RAD18: variants seen among roughly 807,000 people sequenced by gnomAD.
The protein encoded by RAD18 is E3 ubiquitin-protein ligase RAD18.
A neutral mutation model predicts 60.4 loss-of-function variants in RAD18; 47 were observed. The observed-to-expected ratio is 0.78, with a 90% CI of 0.62 to 0.99. The LOEUF is 0.99. Among genes scored for constraint, RAD18 ranks in the 50% least tolerant of loss-of-function variants. The pLI, the probability that RAD18 is intolerant of heterozygous loss-of-function variation, is 0.00. For missense variants in RAD18, 640 were observed against 593.3 expected (o/e 1.08, Z -0.82); for synonymous variants, 225 against 195.5 (o/e 1.15, Z -1.26).
intron 7 of RAD18, among the ~76,000 whole-genome samples, chr3:8,933,077 C>CA (rs1451001427): frequency 6.6e-6 from 1 of 151,078 alleles, no homozygotes; most frequent in Middle Eastern, 3.2e-3. Flanking sequence ...GCCTGGCCGA[C>CA]AGAGAGAGAC....
Position 8,894,629 on chromosome 3 carries a change from A to G in RAD18, c.1323-4178T>C, listed in dbSNP as rs1939754008. On this transcript the variant is annotated intron_variant, in intron 11 of 12. Transcript: ENST00000264926. ...GGAAGACTGACTGCTAGGTACATGGATCTCAAGGAGTCATACACATTTCAA... is the reference window on the plus strand; with the variant it reads ...GGAAGACTGACTGCTAGGTACATGGGTCTCAAGGAGTCATACACATTTCAA... Among the ~76,000 whole-genome samples the G allele has an allele frequency of 2.0e-5, 3 of 152,240 alleles. No homozygotes were observed. In the South Asian group the frequency reaches 6.2e-4, roughly 32 times the overall value.
intron 2 of RAD18, among the ~76,000 whole-genome samples, chr3:8,951,033 G>C (rs949776131): frequency 1.3e-5 from 2 of 152,068 alleles, no homozygotes; most frequent in African/African-American, 4.8e-5. Flanking sequence ...GACTACAAAA[G>C]ATGTAACATA....
intron 2 of RAD18, among the ~76,000 whole-genome samples, chr3:8,956,916 C>A (rs11719780): frequency 0.18 from 27,796 of 152,042 alleles, 3,423 homozygotes; most frequent in African/African-American, 0.35. Context: ...CAGGATGTCC[C>A]TCCACACCAC....
At position 8,936,016 on chromosome 3, in the gene RAD18, A is replaced by G; in HGVS notation, c.744T>C (p.Tyr248=). 1 of 1,608,432 alleles carries G rather than the reference A, an allele frequency of 6.2e-7. No individual in the cohort carries two copies. The highest frequency in any genetic ancestry group is 8.5e-7 in the Non-Finnish European group (1 of 1,177,398). Reference sequence around the variant, plus strand: ...TTAAATCACGATCAGAGAGCAAATTATATACAGTTTTGGGCAGCGGCTTCC... The same window carrying G: ...TTAAATCACGATCAGAGAGCAAATTGTATACAGTTTTGGGCAGCGGCTTCC... ...HKRKPLPKTV[Y]NLLSDRDLKK... is the part of the protein sequence containing the mutation. Residue 248 remains tyrosine, a synonymous_variant, in exon 7 of 13, where the codon TAT becomes TAC. Transcript: ENST00000264926.
At chr3:8,914,799 G>C (rs888915607) in intron 7 of RAD18, among the ~76,000 whole-genome samples, 1 of 152,012 alleles carries the variant, frequency 6.6e-6, no homozygotes, top group Admixed American at 6.5e-5. Flanking sequence ...ATTAATACAA[G>C]TATCACTAAA....
At chr3:8,949,714 A>T (rs901148008) in intron 2 of RAD18, among the ~76,000 whole-genome samples, 3 of 152,178 alleles carry the variant, frequency 2.0e-5, no homozygotes, top group African/African-American at 7.2e-5. Flanking sequence ...TGGAACAGAA[A>T]CCCACAAACA....
chr3:8,949,901 T>C (rs1225321185), intron 2 of RAD18, among the ~76,000 whole-genome samples: 2 of 152,074 alleles, frequency 1.3e-5, no homozygotes, highest in Non-Finnish European at 1.5e-5. Context: ...CTTCTGTGAG[T>C]TTTAGTTCCA....
intron 9 of RAD18, among the ~76,000 whole-genome samples, chr3:8,911,795 C>G (rs566231583): frequency 1.3e-5 from 2 of 152,180 alleles, no homozygotes; most frequent in African/African-American, 4.8e-5. Context: ...AACCACCACA[C>G]AAAGAGTAAC....
At chr3:8,892,303 C>T (rs780686786) in intron 11 of RAD18, among the ~76,000 whole-genome samples, 1 of 152,130 alleles carries the variant, frequency 6.6e-6, no homozygotes, top group African/African-American at 2.4e-5. Flanking sequence ...GGTACATGAA[C>T]GTTACAGCTC....
intron 3 of RAD18, among the ~76,000 whole-genome samples, chr3:8,947,800 T>C (rs1018672352): frequency 2.0e-5 from 3 of 152,208 alleles, no homozygotes; most frequent in African/African-American, 2.4e-5. Context: ...TCAAAAGCAG[T>C]GTAACATATC....
At chr3:8,884,000 ATAAAG>A (rs1939514721) in intron 12 of RAD18, among the ~76,000 whole-genome samples, 1 of 152,202 alleles carries the variant, frequency 6.6e-6, no homozygotes, top group African/African-American at 2.4e-5. Flanking sequence ...CTAAGTAAAA[ATAAAG>A]TAAAGATAGT....
At chr3:8,920,144 T>C (rs1367317073) in intron 7 of RAD18, among the ~76,000 whole-genome samples, 2 of 152,004 alleles carry the variant, frequency 1.3e-5, no homozygotes, top group African/African-American at 4.8e-5. Flanking sequence ...TAGCCAGGCA[T>C]GGCATGCGCC....
intron 4 of RAD18, chr3:8,946,955 T>C (rs1225829265): frequency 3.3e-6 from 1 of 301,082 alleles, no homozygotes; most frequent in South Asian, 7.9e-5. Flanking sequence ...AAAAGGAGTA[T>C]CTTCAGAGCA....
intron 7 of RAD18, among the ~76,000 whole-genome samples, chr3:8,930,437 G>C (rs1378033621): frequency 6.6e-6 from 1 of 152,012 alleles, no homozygotes; most frequent in Non-Finnish European, 1.5e-5. Flanking sequence ...ATGGATACTG[G>C]GCTCTTTTCA....
chr3:8,939,519 T>C, intron 6 of RAD18, 35 bp downstream of exon 6: 1 of 1,554,018 alleles, frequency 6.4e-7, no homozygotes, highest in Non-Finnish European at 8.9e-7. Flanking sequence ...GGCACCCAGC[T>C]AAAGTAGCTC....
chr3:8,922,699 G>A (rs896216445), intron 7 of RAD18, among the ~76,000 whole-genome samples: 3 of 152,160 alleles, frequency 2.0e-5, no homozygotes, highest in Non-Finnish European at 4.4e-5. Flanking sequence ...ACACGGCCAG[G>A]TACCCCTCTG....
At chr3:8,885,213 G>C (rs977101417) in intron 12 of RAD18, among the ~76,000 whole-genome samples, 2 of 152,104 alleles carry the variant, frequency 1.3e-5, no homozygotes, top group African/African-American at 4.8e-5. Context: ...AGAGACAGTG[G>C]TCAGATCAAG....
chr3:8,931,980 C>T (rs1219732147), intron 7 of RAD18, among the ~76,000 whole-genome samples: 2 of 152,060 alleles, frequency 1.3e-5, no homozygotes, highest in Admixed American at 6.6e-5. Context: ...CATTTACCTT[C>T]CACCATACAG....
rs1304198219 is a variant in RAD18, at chr3:8,880,084, T to G, written c.*1273A>C. On this transcript the variant is annotated 3_prime_UTR_variant, in exon 13 of 13. Coordinates refer to ENST00000264926, the MANE Select transcript of RAD18 (RefSeq NM_020165.4). ...GTTTCCTTAATGCACCCCTCAGGATTTCATGCAAATGAAATTATTATGACA... is the reference window on the plus strand; with the variant it reads ...GTTTCCTTAATGCACCCCTCAGGATGTCATGCAAATGAAATTATTATGACA... The G allele has an allele frequency of 1.3e-5, 2 of 152,192 alleles. No individual in the cohort carries two copies. The highest frequency in any genetic ancestry group is 2.9e-5 in the Non-Finnish European group (2 of 68,050). 9.4% of individuals were successfully genotyped at this position (152,192 alleles called of 1,614,324 possible).
Sources: allele counts gnomAD v4.1 joint callset (sites outside exome capture counted in the v4.1 genomes callset), GRCh38; gene constraint gnomAD v4.1.1; transcripts MANE v1.5; gene names NCBI Gene and HGNC (gene_info 2026-07-23, HGNC 2026-07-21).